Variants in SYT9 observed in about 807,000 individuals in gnomAD.
SYT9 encodes synaptotagmin-9.
SYT9 carries 22 observed loss-of-function variants against 48.4 expected under a neutral mutation model. The ratio of observed to expected loss-of-function variants is 0.45; its 90% CI spans 0.32 to 0.65. The LOEUF is 0.65. Ranked by LOEUF, SYT9 falls within the 30% of genes least tolerant of loss-of-function variation. The pLI is 0.03. For synonymous variants in SYT9, 265 were observed against 245.0 expected, an observed-to-expected ratio of 1.08 and a Z score of -0.76; for missense variants, 577 against 622.0, an observed-to-expected ratio of 0.93 and a Z score of 0.77.
intron 3 of SYT9, among the ~76,000 whole-genome samples, chr11:7,346,498 TAAG>T: frequency 6.6e-6 from 1 of 152,224 alleles, no homozygotes; most frequent in African/African-American, 2.4e-5. Flanking sequence ...AATCCAAAGG[TAAG>T]AAGTCAAGTG....
intron 6 of SYT9, chr11:7,439,877 TG>T (rs1218361355): frequency 6.6e-6 from 1 of 152,242 alleles, no homozygotes; most frequent in Non-Finnish European, 1.5e-5. Flanking sequence ...AAGCTGTTTA[TG>T]GGCTGTCCAG....
intron 3 of SYT9, among the ~76,000 whole-genome samples, chr11:7,332,924 A>G (rs1460510176): frequency 1.3e-5 from 2 of 152,268 alleles, no homozygotes; most frequent in Non-Finnish European, 2.9e-5. Flanking sequence ...ACTACATTTA[A>G]TGGTCTTCTA....
intron 2 of SYT9, among the ~76,000 whole-genome samples, chr11:7,308,792 C>T (rs918678837): frequency 2.6e-5 from 4 of 152,186 alleles, no homozygotes; most frequent in Admixed American, 6.5e-5. Flanking sequence ...CCCCATTTGA[C>T]ACTGCTTTGC....
At chr11:7,417,023 T>A (rs914703442) in intron 4 of SYT9, among the ~76,000 whole-genome samples, 1 of 152,218 alleles carries the variant, frequency 6.6e-6, no homozygotes, top group Non-Finnish European at 1.5e-5. Context: ...TCTATATGCA[T>A]TGCTAACTGT....
At chr11:7,399,029 T>G (rs72846042) in intron 3 of SYT9, among the ~76,000 whole-genome samples, 1 of 152,172 alleles carries the variant, frequency 6.6e-6, no homozygotes, top group Non-Finnish European at 1.5e-5. Context: ...GGTTTTTTGC[T>G]TATTCTCTGC....
At chr11:7,430,226 G>A (rs140340970) in intron 6 of SYT9, among the ~76,000 whole-genome samples, 11 of 151,626 alleles carry the variant, frequency 7.3e-5, no homozygotes, top group East Asian at 1.9e-4. Context: ...TATTTTTTTC[G>A]CACCTTAGAT....
At chr11:7,310,991 T>C (rs1352472656) in intron 2 of SYT9, among the ~76,000 whole-genome samples, 1 of 152,206 alleles carries the variant, frequency 6.6e-6, no homozygotes, top group East Asian at 1.9e-4. Flanking sequence ...GCCAAATCCA[T>C]GTATTTTAAA....
At chr11:7,275,432 A>G (rs536636174) in intron 1 of SYT9, among the ~76,000 whole-genome samples, 193 of 152,318 alleles carry the variant, frequency 1.3e-3, no homozygotes, top group Middle Eastern at 3.4e-3. Flanking sequence ...TGTTTGAAAC[A>G]GTGATTACTG....
intron 3 of SYT9, among the ~76,000 whole-genome samples, chr11:7,346,938 T>C (rs1849811112): frequency 6.6e-6 from 1 of 152,254 alleles, no homozygotes; most frequent in South Asian, 2.1e-4. Flanking sequence ...TTCTTTGCTG[T>C]AATTTGTTTA....
At chr11:7,392,830 G>A (rs1198803313) in intron 3 of SYT9, among the ~76,000 whole-genome samples, 2 of 151,992 alleles carry the variant, frequency 1.3e-5, no homozygotes, top group African/African-American at 4.8e-5. Context: ...TTCATTAGAT[G>A]TATCCCTAGG....
At chr11:7,454,336 C>T (rs1200418791) in intron 6 of SYT9, 10 of 981,428 alleles carry the variant, frequency 1.0e-5, no homozygotes, top group Non-Finnish European at 1.1e-5. Context: ...TTTCCGCTCT[C>T]TGCTGCACTC....
At chr11:7,401,913 C>T (rs905436371) in intron 3 of SYT9, among the ~76,000 whole-genome samples, 10 of 151,608 alleles carry the variant, frequency 6.6e-5, no homozygotes, top group African/African-American at 2.4e-4. Flanking sequence ...TTTTCATGTT[C>T]CTTAAGTTGA....
At chr11:7,266,457 C>T (rs979269168) in intron 1 of SYT9, among the ~76,000 whole-genome samples, 2 of 152,064 alleles carry the variant, frequency 1.3e-5, no homozygotes, top group African/African-American at 4.8e-5. Context: ...TAACTCCACA[C>T]TGCTTTAGAG....
chr11:7,380,186 A>C (rs1850534872), intron 3 of SYT9, among the ~76,000 whole-genome samples: 1 of 152,192 alleles, frequency 6.6e-6, no homozygotes, highest in East Asian at 1.9e-4. Context: ...GAATTAAGCC[A>C]GGCACAGAAA....
intron 2 of SYT9, among the ~76,000 whole-genome samples, chr11:7,308,154 G>C (rs1245150337): frequency 1.3e-5 from 2 of 152,212 alleles, no homozygotes; most frequent in African/African-American, 2.4e-5. Flanking sequence ...GGGGAGTTTT[G>C]AAGAAAAACA....
intron 1 of SYT9, among the ~76,000 whole-genome samples, chr11:7,301,882 C>T (rs1330078097): frequency 2.0e-5 from 3 of 152,192 alleles, no homozygotes; most frequent in African/African-American, 7.2e-5. Context: ...CTTGGTTCTA[C>T]TGTAGCCTGG....
intron 3 of SYT9, among the ~76,000 whole-genome samples, chr11:7,394,675 T>G (rs1217717668): frequency 6.6e-6 from 1 of 152,202 alleles, no homozygotes; most frequent in Non-Finnish European, 1.5e-5. Flanking sequence ...GTCTCAAGTT[T>G]TTTTTAGTTC....
Position 7,308,658 on chromosome 11 carries a change from A to G in SYT9, c.498-4737A>G, listed in dbSNP as rs151018182. Reference sequence around the variant, plus strand: ...CCAGCTCAAGTATCATCTCCTTCATAAAAGTTTCCTCAGCCAGAGGCCTTT... The same window carrying G: ...CCAGCTCAAGTATCATCTCCTTCATGAAAGTTTCCTCAGCCAGAGGCCTTT... On this transcript the variant is annotated intron_variant, in intron 2 of 6. Transcript: ENST00000318881. 6.4e-3 allele frequency among the ~76,000 whole-genome samples: 977 copies of G among 152,242 alleles called. 8 individuals are homozygous for G. The highest frequency in any genetic ancestry group is 6.6e-3 in the Non-Finnish European group (448 of 68,022).
chr11:7,246,018 G>A (rs528116015), intron 1 of SYT9, among the ~76,000 whole-genome samples: 1 of 152,126 alleles, frequency 6.6e-6, no homozygotes, highest in East Asian at 1.9e-4. Flanking sequence ...TTCTGAAGTC[G>A]CTCCTATCTT....
Sources: allele counts gnomAD v4.1 joint callset (sites outside exome capture counted in the v4.1 genomes callset), GRCh38; gene constraint gnomAD v4.1.1; transcripts MANE v1.5; gene names NCBI Gene and HGNC (gene_info 2026-07-23, HGNC 2026-07-21).